Variants in PACRG observed in about 807,000 individuals in gnomAD.
PACRG encodes parkin coregulated, also known as parkin coregulated gene protein.
A neutral mutation model predicts 29.7 loss-of-function variants in PACRG; 29 were observed. The ratio of observed to expected loss-of-function variants is 0.98; its 90% CI spans 0.73 to 1.33. PACRG has a LOEUF of 1.33. Ranked by LOEUF, PACRG falls within the 40% of genes most tolerant of loss-of-function variation. The pLI is 0.00. For missense variants in PACRG, 279 were observed against 316.2 expected (o/e 0.88, Z 0.89); for synonymous variants, 116 against 118.7 (o/e 0.98, Z 0.15).
chr6:162,747,033 A>G (rs973878050), intron 1 of PACRG, among the ~76,000 whole-genome samples: 9 of 151,912 alleles, frequency 5.9e-5, no homozygotes, highest in Admixed American at 1.3e-4. Context: ...TTTAATACTG[A>G]GTGCTAATTG....
At position 162,811,893 on chromosome 6, in the gene PACRG, C is replaced by T. The variant is rs188663974; in HGVS notation, c.157-2254C>T. Among the ~76,000 whole-genome samples the T allele has an allele frequency of 1.7e-4, 26 of 152,178 alleles. No individual in the cohort carries two copies. The East Asian group carries it at 1.7e-3, about 10-fold the overall frequency. ...CATTTCCTGTGAACAACCATGTCAG[C>T]GCTCAAAAAGTTTCAGATTTTGGAG... On this transcript the variant is annotated intron_variant, in intron 1 of 4. Coordinates refer to ENST00000366888, the MANE Select transcript of PACRG (RefSeq NM_001080379.2).
chr6:163,089,580 A>G (rs1226131095), intron 4 of PACRG, among the ~76,000 whole-genome samples, 172 bp downstream of exon 4: 1 of 152,220 alleles, frequency 6.6e-6, no homozygotes, highest in Non-Finnish European at 1.5e-5. Context: ...CTAGGGAAAC[A>G]GTAAAGTTAA....
intron 2 of PACRG, among the ~76,000 whole-genome samples, chr6:162,917,710 C>T (rs1036586576): frequency 2.0e-5 from 3 of 152,138 alleles, no homozygotes; most frequent in African/African-American, 4.8e-5. Context: ...TTAAGTGTGG[C>T]ACTGCCGGAG....
chr6:163,055,201 G>A lies in PACRG; in HGVS notation c.292-6949G>A, dbSNP rs542381. ...ATAATGTGGAAATGGAGCGGGGACC[G>A]GGGACAGTGTGGAAATGGAGCCGTG... is the stretch of plus-strand genomic sequence containing the variant. On this transcript the variant is annotated intron_variant, in intron 2 of 4. Transcript: ENST00000366888. This position sits in a 1 kb window ranked among gnomAD's most constrained non-coding sequence, Gnocchi z 4.0. Among the ~76,000 whole-genome samples the A allele has an allele frequency of 0.39, 59,650 of 151,920 alleles. 12,394 individuals carry two copies. Among genetic ancestry groups the A allele is most frequent in the East Asian group, 0.68 (3,485 of 5,158 alleles).
chr6:163,016,063 G>A (rs1194256198), intron 2 of PACRG: 1 of 152,158 alleles, frequency 6.6e-6, no homozygotes, highest in African/African-American at 2.4e-5. Context: ...CAAATGATGA[G>A]CATCATTTTG....
At chr6:163,157,677 T>G (rs1778380136) in intron 4 of PACRG, among the ~76,000 whole-genome samples, 1 of 152,200 alleles carries the variant, frequency 6.6e-6, no homozygotes, top group African/African-American at 2.4e-5. Context: ...CAGCCACTTC[T>G]CAGAATGAAA....
At chr6:162,865,090 T>A (rs1792185875) in intron 2 of PACRG, among the ~76,000 whole-genome samples, 1 of 152,190 alleles carries the variant, frequency 6.6e-6, no homozygotes, top group Admixed American at 6.5e-5. Context: ...ACATGTGTAA[T>A]ATACTCCCTC....
At chr6:162,823,913 C>G (rs1788057409) in intron 2 of PACRG, among the ~76,000 whole-genome samples, 1 of 152,174 alleles carries the variant, frequency 6.6e-6, no homozygotes, top group South Asian at 2.1e-4. Context: ...CTGCACCTGG[C>G]CAATACCCAG....
intron 2 of PACRG, among the ~76,000 whole-genome samples, chr6:162,836,119 T>A (rs1789201532): frequency 6.6e-6 from 1 of 152,140 alleles, no homozygotes; most frequent in Non-Finnish European, 1.5e-5. Flanking sequence ...TTTTTATATA[T>A]TTTTTACTTA....
intron 4 of PACRG, among the ~76,000 whole-genome samples, chr6:163,142,224 A>G (rs142531597): frequency 6.6e-6 from 1 of 152,322 alleles, no homozygotes; most frequent in East Asian, 1.9e-4. Flanking sequence ...ACATTCATGA[A>G]ATAGATGTCA....
At chr6:162,980,819 A>G (rs1394095428) in intron 2 of PACRG, among the ~76,000 whole-genome samples, 6 of 152,196 alleles carry the variant, frequency 3.9e-5, no homozygotes, top group Admixed American at 2.0e-4. Flanking sequence ...ACTACAGGAA[A>G]CTATGGTAAT....
At chr6:163,211,702 A>G (rs567106828) in intron 4 of PACRG, among the ~76,000 whole-genome samples, 14 of 152,244 alleles carry the variant, frequency 9.2e-5, no homozygotes, top group South Asian at 6.2e-4. Flanking sequence ...TCCTCCCCCT[A>G]TAAGAGTTAC....
intron 4 of PACRG, among the ~76,000 whole-genome samples, chr6:163,197,656 A>G (rs536060739): frequency 1.5e-4 from 23 of 151,388 alleles, no homozygotes; most frequent in Non-Finnish European, 2.9e-4. Context: ...TCACCGTGTT[A>G]GCCAGGATTG....
intron 4 of PACRG, among the ~76,000 whole-genome samples, chr6:163,307,967 A>G (rs1785251487): frequency 6.6e-6 from 1 of 152,196 alleles, no homozygotes; most frequent in African/African-American, 2.4e-5. Context: ...TTACTGGAGA[A>G]AACTCTTATT....
At chr6:162,934,201 T>C (rs146256595) in intron 2 of PACRG, among the ~76,000 whole-genome samples, 108 of 151,804 alleles carry the variant, frequency 7.1e-4, no homozygotes, top group African/African-American at 2.4e-3. Context: ...AGGCGGAGGT[T>C]GCAGTGAGCC....
intron 4 of PACRG, among the ~76,000 whole-genome samples, chr6:163,137,379 T>G (rs1416642053): frequency 6.6e-6 from 1 of 152,106 alleles, no homozygotes; most frequent in African/African-American, 2.4e-5. Context: ...ATTGTTCGCT[T>G]GCCAGTCCTC....
chr6:162,988,384 C>T (rs79214180), intron 2 of PACRG, among the ~76,000 whole-genome samples: 249 of 152,150 alleles, frequency 1.6e-3, no homozygotes, highest in Non-Finnish European at 3.0e-3. Context: ...AAAGCTGGGA[C>T]GCTTGAGTTG....
chr6:163,085,477 A>G (rs1356224366), intron 3 of PACRG, among the ~76,000 whole-genome samples: 1 of 152,150 alleles, frequency 6.6e-6, no homozygotes, highest in Non-Finnish European at 1.5e-5. Context: ...CTCCTTTTGT[A>G]TGCACCTCCA....
chr6:162,940,396 C>T (rs1291170407), intron 2 of PACRG, among the ~76,000 whole-genome samples: 1 of 152,070 alleles, frequency 6.6e-6, no homozygotes, highest in Non-Finnish European at 1.5e-5. Flanking sequence ...CTCTCCCTCT[C>T]TCTCTCTCTC....
Sources: allele counts gnomAD v4.1 joint callset (sites outside exome capture counted in the v4.1 genomes callset), GRCh38; gene constraint gnomAD v4.1.1; non-coding constraint Gnocchi (gnomAD v3.1); transcripts MANE v1.5; gene names NCBI Gene and HGNC (gene_info 2026-07-23, HGNC 2026-07-21).